The following TAFAZZIN variants were observed in gnomAD, a reference collection of about 807,000 sequenced individuals.
The protein encoded by TAFAZZIN is tafazzin, phospholipid-lysophospholipid transacylase.
A neutral mutation model predicts 27.3 loss-of-function variants in TAFAZZIN; 6 were observed. That is an observed-to-expected ratio of 0.22 (90% CI 0.12 to 0.43). The LOEUF is 0.43. Among genes scored for constraint, TAFAZZIN ranks in the 20% least tolerant of loss-of-function variants. The pLI, the probability that TAFAZZIN is intolerant of heterozygous loss-of-function variation, is 1.00. For missense variants in TAFAZZIN, 127 were observed against 244.5 expected (o/e 0.52, Z 3.21); for synonymous variants, 79 against 96.2 (o/e 0.82, Z 1.04).
intron 5 of TAFAZZIN, among the ~76,000 whole-genome samples, chrX:154,415,800 GA>G (rs1557192708): frequency 1.0e-5 from 1 of 98,496 alleles, no homozygotes; most frequent in African/African-American, 3.9e-5. Context: ...AGAATCGCTT[GA>G]ACCCAGGAGG....
Position 154,413,284 on chromosome X carries a change from G to T in TAFAZZIN, c.284+32G>T, listed in dbSNP as rs376540475. The T allele has an allele frequency of 6.6e-6, 8 of 1,208,958 alleles. 1 individual carries two copies. In the Middle Eastern group the frequency reaches 9.4e-4, roughly 142 times the overall value. On this transcript the variant is annotated intron_variant, in intron 3 of 10. Transcript: ENST00000601016. Reference sequence around the variant, plus strand: ...AGGAATGGGCCCCTCGAAGTGGGCCGGGCCGGCCCCACCTGCCTCTGCCCA... The same window carrying T: ...AGGAATGGGCCCCTCGAAGTGGGCCTGGCCGGCCCCACCTGCCTCTGCCCA...
In TAFAZZIN at chrX:154,419,192, G is replaced by A. The variant is rs1415598495; in HGVS notation, c.461-351G>A. 11 of 304,458 alleles carry A rather than the reference G, an allele frequency of 3.6e-5. No individual in the cohort carries two copies. The Admixed American group carries it at 4.0e-4, about 11-fold the overall frequency. The allele number at this position is 304,458 out of a possible 1,213,427, so 25.1% of individuals were successfully genotyped here. ...TGAAGATGGGGGTCATAGGTAGATG[G>A]AGGAATTGCCAGGTCAGAATCTCGG... is the stretch of plus-strand genomic sequence containing the variant. On this transcript the variant is annotated intron_variant, in intron 5 of 10. Transcript: ENST00000601016.
chrX:154,420,002 T>C, intron 7 of TAFAZZIN, 30 bp from the exon 8 acceptor site: 2 of 1,210,438 alleles, frequency 1.7e-6, no homozygotes, highest in Non-Finnish European at 2.2e-6. Flanking sequence ...GCCCAGCTTA[T>C]GCTAACATTT....
rs782006037 is a variant in TAFAZZIN at position 154,412,403 on chromosome X, G to A, written c.238+189G>A. ...AGCATCCCTGAGGGAGCATGATTTG[G>A]AGAGGGCCTTGGGCATGGAGCAGGA... is the stretch of plus-strand genomic sequence containing the variant. On this transcript the variant is annotated intron_variant, in intron 2 of 10. Transcript: ENST00000601016. 6 of 575,291 alleles carry A rather than the reference G, an allele frequency of 1.0e-5. No individual in the cohort carries two copies. The South Asian group carries it at 1.8e-4, about 17-fold the overall frequency. The allele number at this position is 575,291 out of a possible 1,213,427, so 47.4% of individuals were successfully genotyped here. A position where few individuals can be genotyped will look rare whatever the true frequency, so the allele number is the denominator to read the frequency against.
At position 154,411,897 on chromosome X, in the gene TAFAZZIN, C is replaced by T. The variant is rs781846964; in HGVS notation, c.54C>T (p.Thr18=). The change falls in exon 1 of 11, where the codon ACC becomes ACT. Residue 18 remains threonine, a synonymous_variant. Coordinates refer to ENST00000601016, the MANE Select transcript of TAFAZZIN (RefSeq NM_000116.5). ...CCGCGGTGCCGCCGCTCACCTGGAC[C>T]CTGGCCAGCAGCGTCGTCATGGGCT... is the stretch of plus-strand genomic sequence containing the variant. ...PFPAVPPLTW[T]LASSVVMGLV... is the part of the protein sequence containing the mutation. The T allele has an allele frequency of 3.3e-6, 4 of 1,206,108 alleles. No homozygotes were observed. The highest frequency in any genetic ancestry group is 2.3e-4 in the Middle Eastern group (1 of 4,342).
chrX:154,411,788 G>A lies in TAFAZZIN; in HGVS notation c.-56G>A, dbSNP rs1557190672. On this transcript the variant is annotated 5_prime_UTR_variant, in exon 1 of 11. Transcript: ENST00000601016. Reference sequence around the variant, plus strand: ...GAGCGGTCGAGGTCGCAGACCTAGAGGCGCCCCACAGGCCGGCCCGGGGCG... The same window carrying A: ...GAGCGGTCGAGGTCGCAGACCTAGAAGCGCCCCACAGGCCGGCCCGGGGCG... 1.8e-6 allele frequency: 2 copies of A among 1,081,253 alleles called. No individual in the cohort carries two copies. The highest frequency in any genetic ancestry group is 5.2e-5 in the Admixed American group (2 of 38,619). The allele number at this position is 1,081,253 out of a possible 1,213,427, so 89.1% of individuals were successfully genotyped here.
intron 9 of TAFAZZIN, 146 bp downstream of exon 9, chrX:154,420,410 T>G (rs1271927253): frequency 1.2e-6 from 1 of 804,504 alleles, no homozygotes. Flanking sequence ...AGGGACTTCC[T>G]GGCACCGAGA....
In TAFAZZIN at chrX:154,420,029, C is replaced by T; in HGVS notation, c.584-3C>T. On this transcript the variant is annotated splice_polypyrimidine_tract_variant and splice_region_variant and intron_variant, in intron 7 of 10. Coordinates refer to ENST00000601016, the MANE Select transcript of TAFAZZIN (RefSeq NM_000116.5). ...CTAACATTTCTACCTCCCCCCTGGGCAGGAATCGGGCGCCTGATTGCTGAG... is the reference window on the plus strand; with the variant it reads ...CTAACATTTCTACCTCCCCCCTGGGTAGGAATCGGGCGCCTGATTGCTGAG... 8.3e-7 allele frequency: 1 copy of T among 1,211,774 alleles called. No individual in the cohort carries two copies. Among genetic ancestry groups the T allele is most frequent in the Non-Finnish European group, 1.1e-6 (1 of 895,280 alleles).
intron 5 of TAFAZZIN, among the ~76,000 whole-genome samples, chrX:154,418,040 G>A (rs782789952): frequency 2.7e-5 from 3 of 112,496 alleles, no homozygotes; most frequent in Non-Finnish European, 5.6e-5. Flanking sequence ...AGCAGTAGTA[G>A]CATTTGCAAA....
At position 154,419,730 on chromosome X, in the gene TAFAZZIN, C is replaced by T. The variant is rs141773967; in HGVS notation, c.567C>T (p.Phe189=). The T allele has an allele frequency of 1.3e-5, 16 of 1,211,269 alleles. No individual in the cohort carries two copies. In the African/African-American group the frequency reaches 2.4e-4, roughly 18 times the overall value. ...PEGKVNMSSE[F]LRFKWGIGRL... is the part of the protein sequence containing the mutation. The stretch of plus-strand genomic sequence containing the variant: ...GGAAAGTGAACATGAGTTCCGAATT[C>T]CTGCGTTTCAAGTGGGGTAAGGGCT... Residue 189 remains phenylalanine (F), a synonymous_variant, in exon 7 of 11, where the codon TTC becomes TTT. Coordinates refer to ENST00000601016, the MANE Select transcript of TAFAZZIN (RefSeq NM_000116.5).
intron 4 of TAFAZZIN, 109 bp from the exon 5 acceptor site, chrX:154,413,992 C>A: frequency 1.8e-6 from 1 of 560,590 alleles, no homozygotes; most frequent in Non-Finnish European, 3.2e-6. Flanking sequence ...CATTTTGATC[C>A]CTATTCTCCA....
intron 7 of TAFAZZIN, 97 bp from the exon 8 acceptor site, chrX:154,419,935 A>G (rs2068581018): frequency 8.8e-7 from 1 of 1,131,884 alleles, no homozygotes; most frequent in African/African-American, 1.8e-5. Context: ...GCTGAATTGA[A>G]CTGGAGGATG....
At chrX:154,419,277 G>C (rs2068561192) in intron 5 of TAFAZZIN, 3 of 422,141 alleles carry the variant, frequency 7.1e-6, no homozygotes, top group East Asian at 7.8e-5. Context: ...TATTAGGAAG[G>C]AAGCCCCACA....
intron 4 of TAFAZZIN, 84 bp from the exon 5 acceptor site, chrX:154,414,017 C>A: frequency 1.6e-6 from 1 of 626,693 alleles, no homozygotes; most frequent in African/African-American, 2.2e-5. Flanking sequence ...GGGAGGATCA[C>A]AGAGATTAAG....
chrX:154,412,060 G>C (rs1557191013), intron 1 of TAFAZZIN, 26 bp from the exon 2 acceptor site: 1 of 1,209,591 alleles, frequency 8.3e-7, no homozygotes, highest in South Asian at 1.8e-5. Flanking sequence ...CGAGCCCGGA[G>C]CGCCTGACTT....
At chrX:154,419,937 TG>T in intron 7 of TAFAZZIN, 94 bp from the exon 8 acceptor site, 1 of 1,136,960 alleles carries the variant, frequency 8.8e-7, no homozygotes, top group African/African-American at 1.8e-5. Context: ...TGAATTGAAC[TG>T]GAGGATGTCG....
chrX:154,414,691 C>CAAA (rs35339645), intron 5 of TAFAZZIN, among the ~76,000 whole-genome samples: 1 of 54,151 alleles, frequency 1.8e-5, no homozygotes. Flanking sequence ...GACTCCGTCT[C>CAAA]AAAAAAAAAA....
intron 5 of TAFAZZIN, among the ~76,000 whole-genome samples, chrX:154,416,717 C>T (rs1307257340): frequency 1.8e-5 from 2 of 111,585 alleles, no homozygotes; most frequent in Non-Finnish European, 3.8e-5. Flanking sequence ...AAAGGGAAAG[C>T]AGTGCGGGGG....
In TAFAZZIN at chrX:154,419,685, C is replaced by T. The variant is rs373841640; in HGVS notation, c.542-20C>T. 6.1e-4 allele frequency: 742 copies of T among 1,211,147 alleles called. No individual in the cohort carries two copies. Among genetic ancestry groups the T allele is most frequent in the Non-Finnish European group, 8.0e-4 (714 of 895,371 alleles). The stretch of plus-strand genomic sequence containing the variant: ...GAGCGGGATGGGCTCCCAAGCCTCG[C>T]CTCTGTGCTCTCTCACCAGGGAAAG... On this transcript the variant is annotated intron_variant, in intron 6 of 10. Transcript: ENST00000601016.
Sources: allele counts gnomAD v4.1 joint callset (sites outside exome capture counted in the v4.1 genomes callset), GRCh38; gene constraint gnomAD v4.1.1; transcripts MANE v1.5; gene names NCBI Gene and HGNC (gene_info 2026-07-23, HGNC 2026-07-21).